KCNH8: variants seen among roughly 807,000 people sequenced by gnomAD.
The protein encoded by KCNH8 is potassium voltage-gated channel subfamily H member 8.
KCNH8 carries 70 observed loss-of-function variants against 103.6 expected under a neutral mutation model. That is an observed-to-expected ratio of 0.68 (90% CI 0.56 to 0.82). The LOEUF (loss-of-function observed/expected upper bound fraction) is 0.82, where lower values mean the gene tolerates loss of function less well. Ranked by LOEUF, KCNH8 falls within the 40% of genes least tolerant of loss-of-function variation. The pLI is 0.00. For synonymous variants in KCNH8, 498 were observed against 489.4 expected, an observed-to-expected ratio of 1.02 and a Z score of -0.23; for missense variants, 1,217 against 1,329.9, an observed-to-expected ratio of 0.92 and a Z score of 1.32.
chr3:19,409,075 A>G (rs2066736559), intron 7 of KCNH8, among the ~76,000 whole-genome samples: 1 of 152,108 alleles, frequency 6.6e-6, no homozygotes, highest in Non-Finnish European at 1.5e-5. Context: ...CCACTAGACT[A>G]TCCAAGGTCA....
chr3:19,517,958 A>G (rs2068903264), intron 14 of KCNH8, 40 bp from the exon 15 acceptor site: 2 of 1,505,508 alleles, frequency 1.3e-6, no homozygotes, highest in African/African-American at 2.8e-5. Flanking sequence ...TATAAGGTTT[A>G]TTCCTAAAGG....
Position 19,281,198 on chromosome 3 carries a change from G to T in KCNH8, c.311G>T (p.Gly104Val). The change falls in exon 3 of 16, where the codon GGG becomes GTG. Residue 104 changes from glycine to valine, a missense_variant and splice_region_variant. This residue lies in a region of KCNH8 where 244 missense variants were observed against 256.8 expected (regional missense o/e 0.95). Coordinates refer to ENST00000328405, the MANE Select transcript of KCNH8 (RefSeq NM_144633.3). ...TATTTTTTTTTCTTTACTGTTGCAG[G>T]GTCTCCATTTTGGTGCCTACTGGAT... ...KGEIMFYKKN[G>V]SPFWCLLDIV... 6.2e-7 allele frequency: 1 copy of T among 1,608,350 alleles called. No homozygotes were observed. Among genetic ancestry groups the T allele is most frequent in the South Asian group, 1.1e-5 (1 of 89,924 alleles).
intron 2 of KCNH8, among the ~76,000 whole-genome samples, chr3:19,258,947 CTATATATATATATATA>C (rs71055060): frequency 2.0e-4 from 5 of 24,802 alleles, no homozygotes; most frequent in African/African-American, 5.9e-4. Flanking sequence ...CTCTCTCTCT[CTATATATATATATATA>C]TATATATATA....
At chr3:19,431,277 G>A (rs2067117438) in intron 7 of KCNH8, among the ~76,000 whole-genome samples, 1 of 152,202 alleles carries the variant, frequency 6.6e-6, no homozygotes, top group Non-Finnish European at 1.5e-5. Context: ...TTTACGTGAT[G>A]CATCACATTT....
chr3:19,419,195 G>GTTTTTTTTT (rs1559318835), intron 7 of KCNH8, among the ~76,000 whole-genome samples: 10 of 128,754 alleles, frequency 7.8e-5, no homozygotes, highest in South Asian at 2.4e-4. Context: ...AATGGTTTTG[G>GTTTTTTTTT]TTTTTTTTTT....
At position 19,533,804 on chromosome 3, in the gene KCNH8, G is replaced by C. The variant is rs370242342; in HGVS notation, c.3029G>C (p.Arg1010Thr). 18 of 1,614,002 alleles carry C rather than the reference G, an allele frequency of 1.1e-5. No individual in the cohort carries two copies. The highest frequency in any genetic ancestry group is 6.7e-5 in the East Asian group (3 of 44,884). The change falls in exon 16 of 16, where the codon AGG becomes ACG. Residue 1010 changes from arginine to threonine, a missense_variant. Physicochemically the swap from Arg to Thr is moderately conservative, Grantham distance 71 (BLOSUM62 -1). This residue lies in a region of KCNH8 where 558 missense variants were observed against 495.8 expected (regional missense o/e 1.13). Coordinates refer to ENST00000328405, the MANE Select transcript of KCNH8 (RefSeq NM_144633.3). ...VVQEGHLQFLRCISPHSDSTL... is the reference protein window; with the variant it reads ...VVQEGHLQFLTCISPHSDSTL... The stretch of plus-strand genomic sequence containing the variant: ...CAAGAAGGTCATTTGCAATTTTTAA[G>C]GTGCATCTCTCCACATTCAGATTCT...
chr3:19,442,178 G>A (rs548068077), intron 8 of KCNH8, among the ~76,000 whole-genome samples: 2 of 152,294 alleles, frequency 1.3e-5, no homozygotes, highest in Admixed American at 6.5e-5. Flanking sequence ...GCTACAATGT[G>A]CCAGGCCCTG....
chr3:19,500,950 G>A (rs1483615962), intron 11 of KCNH8, among the ~76,000 whole-genome samples: 1 of 152,040 alleles, frequency 6.6e-6, no homozygotes, highest in Non-Finnish European at 1.5e-5. Context: ...AGGAAATAGA[G>A]ACACAAAAAA....
intron 3 of KCNH8, among the ~76,000 whole-genome samples, chr3:19,321,369 T>C (rs578225519): frequency 2.0e-5 from 3 of 152,152 alleles, no homozygotes; most frequent in South Asian, 4.1e-4. Context: ...CCCAGAGGTA[T>C]TGATACATTG....
At chr3:19,299,106 C>G (rs1263004920) in intron 3 of KCNH8, among the ~76,000 whole-genome samples, 3 of 151,874 alleles carry the variant, frequency 2.0e-5, no homozygotes, top group Admixed American at 2.0e-4. Flanking sequence ...GACAGTGTCC[C>G]TTGGTGTAGG....
chr3:19,504,527 AACAG>A (rs1310393374), intron 11 of KCNH8, among the ~76,000 whole-genome samples: 4 of 152,172 alleles, frequency 2.6e-5, no homozygotes, highest in Admixed American at 6.5e-5. Flanking sequence ...AAAGGCCATG[AACAG>A]ACACTTTTCA....
At chr3:19,401,059 G>A (rs2066606528) in intron 7 of KCNH8, among the ~76,000 whole-genome samples, 1 of 151,888 alleles carries the variant, frequency 6.6e-6, no homozygotes, top group Admixed American at 6.6e-5. Flanking sequence ...AAGGACTCCT[G>A]GATTTATTTT....
At chr3:19,484,801 T>C (rs1182498977) in intron 11 of KCNH8, among the ~76,000 whole-genome samples, 1 of 152,094 alleles carries the variant, frequency 6.6e-6, no homozygotes, top group Non-Finnish European at 1.5e-5. Flanking sequence ...TAAGTTGAGA[T>C]TGTTTGTGTA....
chr3:19,180,916 G>C (rs955232878), intron 1 of KCNH8, among the ~76,000 whole-genome samples: 1 of 151,892 alleles, frequency 6.6e-6, no homozygotes, highest in African/African-American at 2.4e-5. Context: ...ATTGGTCAGA[G>C]GAAATAAAAT....
intron 11 of KCNH8, among the ~76,000 whole-genome samples, chr3:19,466,021 A>G (rs1220755014): frequency 1.3e-5 from 2 of 151,818 alleles, no homozygotes; most frequent in Admixed American, 6.6e-5. Flanking sequence ...TGGAGCCTTG[A>G]CCTCCTGGGC....
At chr3:19,373,031 T>A (rs945646753) in intron 5 of KCNH8, among the ~76,000 whole-genome samples, 102 of 152,012 alleles carry the variant, frequency 6.7e-4, no homozygotes, top group African/African-American at 2.4e-3. Context: ...TATTGAGGAT[T>A]TTTGCATCAA....
rs560379762 is a variant in KCNH8, at chr3:19,363,142, C to T, written c.811+15177C>T. 3.3e-5 allele frequency among the ~76,000 whole-genome samples: 5 copies of T among 152,250 alleles called. No individual in the cohort carries two copies. In the East Asian group the frequency reaches 9.7e-4, roughly 30 times the overall value. Reference sequence around the variant, plus strand: ...AGGCTTTTTCAGGTACTTATGCAGACTTGGCTCAGCATCTTTCTGAAAAGC... The same window carrying T: ...AGGCTTTTTCAGGTACTTATGCAGATTTGGCTCAGCATCTTTCTGAAAAGC... On this transcript the variant is annotated intron_variant, in intron 5 of 15. Transcript: ENST00000328405.
intron 11 of KCNH8, among the ~76,000 whole-genome samples, chr3:19,487,664 T>C (rs1354434642): frequency 1.3e-5 from 2 of 152,170 alleles, no homozygotes; most frequent in Non-Finnish European, 2.9e-5. Context: ...TTTTATCTCT[T>C]GGCCTGGCTC....
chr3:19,324,930 T>G (rs541898251), intron 3 of KCNH8, among the ~76,000 whole-genome samples: 20 of 152,306 alleles, frequency 1.3e-4, no homozygotes, highest in Admixed American at 9.2e-4. Context: ...CTACCTGATT[T>G]CAAACTGTAC....
Sources: gnomAD v4.1 joint callset for allele counts (sites outside exome capture counted in the v4.1 genomes callset) on GRCh38, gnomAD v4.1.1 for gene constraint, gnomAD v4.1.1 regional missense constraint, MANE v1.5 for transcripts, NCBI Gene and HGNC (gene_info 2026-07-23, HGNC 2026-07-21) for gene names.